EXOC2: variants seen among roughly 807,000 people sequenced by gnomAD.
EXOC2 encodes SEC5-like 1.
EXOC2 carries 70 observed loss-of-function variants against 131.8 expected under a neutral mutation model. The observed-to-expected ratio is 0.53, with a 90% CI of 0.44 to 0.65. The LOEUF (loss-of-function observed/expected upper bound fraction) is 0.65. EXOC2 is among the 30% of genes least tolerant of loss of function. EXOC2 has a pLI of 0.00. For missense variants in EXOC2, 923 were observed against 1,108.6 expected, an observed-to-expected ratio of 0.83 and a Z score of 2.38; for synonymous variants, 411 against 398.4, an observed-to-expected ratio of 1.03 and a Z score of -0.38.
At chr6:552,253 G>A (rs140738843) in intron 21 of EXOC2, among the ~76,000 whole-genome samples, 7 of 152,350 alleles carry the variant, frequency 4.6e-5, no homozygotes, top group Non-Finnish European at 7.3e-5. Flanking sequence ...TAGGCAGGAC[G>A]TCGCTCCCTG....
intron 1 of EXOC2, among the ~76,000 whole-genome samples, chr6:657,547 T>G (rs1763191852): frequency 6.6e-6 from 1 of 152,214 alleles, no homozygotes; most frequent in South Asian, 2.1e-4. Flanking sequence ...TTTTTTGCTA[T>G]TATGAACACA....
intron 16 of EXOC2, among the ~76,000 whole-genome samples, 176 bp downstream of exon 16, chr6:563,857 C>CA (rs1428460520): frequency 6.6e-6 from 1 of 152,100 alleles, no homozygotes; most frequent in Non-Finnish European, 1.5e-5. Context: ...TAATTCTCAA[C>CA]AATACATCAC....
intron 23 of EXOC2, among the ~76,000 whole-genome samples, chr6:529,524 T>G (rs573484112): frequency 6.6e-6 from 1 of 152,360 alleles, no homozygotes; most frequent in African/African-American, 2.4e-5. Flanking sequence ...TGGCCCATTC[T>G]AAATTTTTAT....
chr6:486,704 G>C lies in EXOC2; in HGVS notation c.2742C>G (p.Phe914Leu), dbSNP rs1232315087. The change falls in exon 28 of 28, where the codon TTC (phenylalanine) becomes TTG (leucine). Residue 914 changes from phenylalanine (F) to leucine (L), a missense_variant. Coordinates refer to ENST00000230449, the MANE Select transcript of EXOC2 (RefSeq NM_018303.6). Reference protein sequence around the residue: ...KSSMHLQLTCFQAASSTMMKT With the variant: ...KSSMHLQLTCLQAASSTMMKT ...TCATCATGGTTGAAGAAGCTGCTTG[G>C]AAACAGGTGAGCTGCAAGTGCATGC... The C allele has an allele frequency of 6.2e-7, 1 of 1,614,018 alleles. No homozygotes were observed. Among genetic ancestry groups the C allele is most frequent in the African/African-American group, 1.3e-5 (1 of 74,906 alleles).
At chr6:687,616 T>C (rs1049619415) in intron 1 of EXOC2, among the ~76,000 whole-genome samples, 1 of 152,184 alleles carries the variant, frequency 6.6e-6, no homozygotes, top group South Asian at 2.1e-4. Context: ...ACTAGGGCTG[T>C]GAAAAGGAAA....
chr6:684,667 C>G (rs112035009), intron 1 of EXOC2, among the ~76,000 whole-genome samples: 3 of 151,974 alleles, frequency 2.0e-5, no homozygotes, highest in Admixed American at 6.6e-5. Flanking sequence ...TTTAATTTCT[C>G]AAATTAAAAC....
At chr6:532,947 C>T (rs1402623389) in intron 22 of EXOC2, among the ~76,000 whole-genome samples, 1 of 152,100 alleles carries the variant, frequency 6.6e-6, no homozygotes, top group Non-Finnish European at 1.5e-5. Flanking sequence ...AGGAAACTTA[C>T]AGTCTTGGTG....
Position 572,665 on chromosome 6 carries a change from A to G in EXOC2, c.1319-21T>C, listed in dbSNP as rs2127595376. ...CCACGCTAAGGGGGAAAAGAATAAAATACTATGATTGTACTTCTGAATCAA... is the reference window on the plus strand; with the variant it reads ...CCACGCTAAGGGGGAAAAGAATAAAGTACTATGATTGTACTTCTGAATCAA... On this transcript the variant is annotated intron_variant, in intron 12 of 27. Coordinates refer to ENST00000230449, the MANE Select transcript of EXOC2 (RefSeq NM_018303.6). The G allele has an allele frequency of 1.9e-6, 3 of 1,608,094 alleles. No individual in the cohort carries two copies. In the Middle Eastern group the frequency reaches 5.0e-4, roughly 267 times the overall value.
chr6:548,940 G>A (rs1015514678), intron 22 of EXOC2, among the ~76,000 whole-genome samples: 1 of 152,186 alleles, frequency 6.6e-6, no homozygotes, highest in African/African-American at 2.4e-5. Flanking sequence ...CTGTAACCTT[G>A]AGGGAGCTCT....
chr6:692,716 G>A (rs939471687), intron 1 of EXOC2, among the ~76,000 whole-genome samples: 2 of 152,128 alleles, frequency 1.3e-5, no homozygotes, highest in Non-Finnish European at 2.9e-5. Context: ...CAGCTCCAGC[G>A]GGCGGGGCCT....
chr6:534,681 C>T (rs1184895891), intron 22 of EXOC2, among the ~76,000 whole-genome samples: 2 of 152,186 alleles, frequency 1.3e-5, no homozygotes, highest in African/African-American at 4.8e-5. Context: ...TGCAAGGGTT[C>T]AAGGAGTATT....
intron 7 of EXOC2, among the ~76,000 whole-genome samples, chr6:603,913 T>C (rs1760252217): frequency 6.6e-6 from 1 of 152,208 alleles, no homozygotes; most frequent in Non-Finnish European, 1.5e-5. Flanking sequence ...ACAGGAATAT[T>C]TTCACTGGAC....
chr6:551,022 A>G (rs1376742532), intron 21 of EXOC2, among the ~76,000 whole-genome samples: 3 of 152,232 alleles, frequency 2.0e-5, no homozygotes, highest in Non-Finnish European at 4.4e-5. Flanking sequence ...TTTGTTGCTC[A>G]AATGTAATCA....
At chr6:517,305 AC>A (rs1166476121) in intron 23 of EXOC2, among the ~76,000 whole-genome samples, 1 of 152,186 alleles carries the variant, frequency 6.6e-6, no homozygotes, top group Non-Finnish European at 1.5e-5. Context: ...CCCAGGGCCC[AC>A]CTGAAGAGAC....
chr6:679,082 A>G (rs1581679658), intron 1 of EXOC2: 1 of 152,138 alleles, frequency 6.6e-6, no homozygotes, highest in East Asian at 1.9e-4. Context: ...CAACATTTGG[A>G]CTTGACAGAA....
chr6:671,982 A>G (rs1047949068), intron 1 of EXOC2, among the ~76,000 whole-genome samples: 1 of 152,010 alleles, frequency 6.6e-6, no homozygotes, highest in Non-Finnish European at 1.5e-5. Flanking sequence ...TGGGACTATC[A>G]TTAATTACAA....
At chr6:534,466 A>C (rs182779700) in intron 22 of EXOC2, among the ~76,000 whole-genome samples, 1 of 152,268 alleles carries the variant, frequency 6.6e-6, no homozygotes, top group Non-Finnish European at 1.5e-5. Flanking sequence ...ACAGAGACAG[A>C]CTGACTTTCA....
At chr6:531,474 G>A (rs1271292445) in intron 23 of EXOC2, among the ~76,000 whole-genome samples, 2 of 152,306 alleles carry the variant, frequency 1.3e-5, no homozygotes, top group South Asian at 4.1e-4. Flanking sequence ...TGTGAGCTCA[G>A]GAAATTCAAT....
intron 23 of EXOC2, among the ~76,000 whole-genome samples, chr6:502,121 G>C (rs1200904188): frequency 6.6e-6 from 1 of 152,168 alleles, no homozygotes; most frequent in Non-Finnish European, 1.5e-5. Context: ...GCACGCCATG[G>C]AGGACCAGCT....
Sources: allele counts gnomAD v4.1 joint callset (sites outside exome capture counted in the v4.1 genomes callset), GRCh38; gene constraint gnomAD v4.1.1; transcripts MANE v1.5; gene names NCBI Gene and HGNC (gene_info 2026-07-23, HGNC 2026-07-21).